Variants in DNMBP observed in about 807,000 individuals in gnomAD.
DNMBP encodes dynamin binding protein, also known as dynamin-binding protein.
Under a neutral mutation model 150.0 loss-of-function variants are expected in DNMBP, and 87 were observed. The ratio of observed to expected loss-of-function variants is 0.58; its 90% CI spans 0.49 to 0.69. The LOEUF (loss-of-function observed/expected upper bound fraction) is 0.69, where lower values mean the gene tolerates loss of function less well. Among genes scored for constraint, DNMBP ranks in the 30% least tolerant of loss-of-function variants. The pLI, the probability that DNMBP is intolerant of heterozygous loss-of-function variation, is 0.00. For missense variants in DNMBP, 1,774 were observed against 1,949.0 expected (o/e 0.91, Z 1.69); for synonymous variants, 711 against 750.4 (o/e 0.95, Z 0.86).
chr10:99,923,117 G>T (rs371959696), intron 4 of DNMBP, among the ~76,000 whole-genome samples: 69 of 152,236 alleles, frequency 4.5e-4, no homozygotes, highest in African/African-American at 1.7e-3. Flanking sequence ...AGGGCCAGGT[G>T]TGGTGGCTCA....
intron 1 of DNMBP, among the ~76,000 whole-genome samples, chr10:99,991,150 C>T (rs986468764): frequency 9.2e-5 from 14 of 151,506 alleles, no homozygotes; most frequent in African/African-American, 2.7e-4. Context: ...GTGATCTCGG[C>T]TCACTGCAAC....
chr10:100,003,922 T>A (rs1466059062), intron 1 of DNMBP, among the ~76,000 whole-genome samples: 3 of 152,016 alleles, frequency 2.0e-5, no homozygotes, highest in Admixed American at 6.6e-5. Context: ...TAAACTCCAA[T>A]AAAAATTCCT....
chr10:99,916,418 C>G (rs1466222955), intron 4 of DNMBP, among the ~76,000 whole-genome samples: 4 of 152,072 alleles, frequency 2.6e-5, no homozygotes, highest in Non-Finnish European at 5.9e-5. Flanking sequence ...CCAGCCTGGG[C>G]GACAGAGCGA....
chr10:100,004,992 T>C (rs963180412), intron 1 of DNMBP, among the ~76,000 whole-genome samples: 3 of 152,200 alleles, frequency 2.0e-5, no homozygotes, highest in African/African-American at 7.2e-5. Flanking sequence ...CAGAGGAAGC[T>C]ATCTGTATAA....
chr10:100,005,556 C>A (rs1450630901), intron 1 of DNMBP, among the ~76,000 whole-genome samples: 3 of 152,064 alleles, frequency 2.0e-5, no homozygotes, highest in Non-Finnish European at 4.4e-5. Flanking sequence ...GAGTTCGAGA[C>A]CAGCCTGGCC....
intron 16 of DNMBP, among the ~76,000 whole-genome samples, chr10:99,879,084 C>CCAAAAAAAAAAA (rs761402438): frequency 1.6e-5 from 1 of 62,404 alleles, no homozygotes; most frequent in African/African-American, 8.2e-5. Context: ...GACTCTGTCT[C>CCAAAAAAAAAAA]AAAAAAAAAA....
intron 10 of DNMBP, 90 bp from the exon 11 acceptor site, chr10:99,895,140 T>G: frequency 1.4e-6 from 1 of 708,414 alleles, no homozygotes. Context: ...TTTTTTTTTT[T>G]GTGGAGACGG....
rs2040651166 is a variant in DNMBP, at chr10:99,969,225, C to T, written c.158G>A (p.Ser53Asn). Residue 53 changes from serine to asparagine, a missense_variant, in exon 3 of 17, where the codon AGC becomes AAC. Around this residue, in one of 2 missense-constraint regions of DNMBP, gnomAD observed 344 missense variants for 456.6 expected, o/e 0.75. Transcript: ENST00000324109. The stretch of plus-strand genomic sequence containing the variant: ...AATGGTCACAATTTCCACAAAACTG[C>T]TGGGGAATTGTCCTGAAAATAAAAG... Reference protein sequence around the residue: ...KKEDVTGQFPSSFVEIVTIPS... With the variant: ...KKEDVTGQFPNSFVEIVTIPS... The T allele has an allele frequency of 1.9e-6, 3 of 1,613,878 alleles. No homozygotes were observed. Among genetic ancestry groups the T allele is most frequent in the Non-Finnish European group, 2.5e-6 (3 of 1,179,938 alleles).
intron 4 of DNMBP, among the ~76,000 whole-genome samples, chr10:99,951,382 G>A (rs959936413): frequency 6.6e-5 from 10 of 152,224 alleles, no homozygotes; most frequent in Admixed American, 2.0e-4. Flanking sequence ...TAGTGGAGCT[G>A]TGAGAAGAGG....
intron 3 of DNMBP, among the ~76,000 whole-genome samples, chr10:99,968,405 G>A (rs183881284): frequency 6.2e-4 from 94 of 152,222 alleles, no homozygotes; most frequent in African/African-American, 2.3e-3. Context: ...GCCTGAAGTT[G>A]GTCAGGCGCA....
intron 3 of DNMBP, among the ~76,000 whole-genome samples, chr10:99,961,229 C>G (rs2040559830): frequency 7.5e-6 from 1 of 133,276 alleles, no homozygotes; most frequent in Non-Finnish European, 1.6e-5. Context: ...TTCCTTTTTT[C>G]TTCTAATTCC....
chr10:99,921,979 C>T (rs1377619865), intron 4 of DNMBP, among the ~76,000 whole-genome samples: 1 of 148,558 alleles, frequency 6.7e-6, no homozygotes. Context: ...CAATATATTT[C>T]ATTGATTTGT....
At chr10:99,921,215 T>C (rs2040019242) in intron 4 of DNMBP, among the ~76,000 whole-genome samples, 1 of 152,218 alleles carries the variant, frequency 6.6e-6, no homozygotes, top group South Asian at 2.1e-4. Flanking sequence ...AAGCCTAGCT[T>C]GTCTCTGGGC....
At chr10:99,939,153 C>T (rs2040267196) in intron 4 of DNMBP, among the ~76,000 whole-genome samples, 3 of 152,068 alleles carry the variant, frequency 2.0e-5, no homozygotes, top group Non-Finnish European at 4.4e-5. Flanking sequence ...ATGTAACTCC[C>T]TAAACTTTTG....
intron 4 of DNMBP, among the ~76,000 whole-genome samples, chr10:99,915,931 T>C (rs898421940): frequency 1.3e-4 from 20 of 152,154 alleles, no homozygotes; most frequent in Non-Finnish European, 2.5e-4. Flanking sequence ...CAATAGCTAT[T>C]CTGTCTCTTT....
intron 1 of DNMBP, among the ~76,000 whole-genome samples, chr10:99,987,967 G>A (rs879759849): frequency 9.9e-5 from 15 of 152,022 alleles, no homozygotes; most frequent in South Asian, 2.1e-4. Flanking sequence ...AGACTTTTGC[G>A]GGGCCATCTA....
chr10:99,914,046 C>A (rs1057192756), intron 4 of DNMBP: 13 of 1,493,846 alleles, frequency 8.7e-6, no homozygotes, highest in Non-Finnish European at 1.2e-5. Flanking sequence ...TGCTCCACAA[C>A]CCCCCAAACT....
At chr10:99,892,027 C>A (rs2039576754) in intron 11 of DNMBP, among the ~76,000 whole-genome samples, 1 of 142,824 alleles carries the variant, frequency 7.0e-6, no homozygotes, top group African/African-American at 2.8e-5. Context: ...GCCAGCCGCC[C>A]CGTCCGGGAG....
intron 4 of DNMBP, chr10:99,929,543 C>G: frequency 1.7e-6 from 1 of 605,126 alleles, no homozygotes; most frequent in East Asian, 2.7e-5. Context: ...CTCCTAGTAC[C>G]TGGTATAACT....
Sources: allele counts gnomAD v4.1 joint callset (sites outside exome capture counted in the v4.1 genomes callset), GRCh38; gene constraint gnomAD v4.1.1; regional missense constraint gnomAD v4.1.1; transcripts MANE v1.5; gene names NCBI Gene and HGNC (gene_info 2026-07-23, HGNC 2026-07-21).